The following CA8 variants were observed in gnomAD, a reference collection of about 807,000 sequenced individuals.
The protein encoded by CA8 is carbonic anhydrase-related protein.
CA8 carries 22 observed loss-of-function variants against 41.4 expected under a neutral mutation model. The observed-to-expected ratio is 0.53, with a 90% confidence interval of 0.38 to 0.76. CA8 has a LOEUF of 0.76. Among genes scored for constraint, CA8 ranks in the 30% least tolerant of loss-of-function variants. CA8 has a pLI of 0.00. For synonymous variants in CA8, 121 were observed against 130.6 expected (o/e 0.93, Z 0.50); for missense variants, 270 against 352.8 (o/e 0.77, Z 1.88).
rs749903158 is a variant in CA8, at chr8:60,208,938, GA to G, written c.739-20del. The G allele has an allele frequency of 6.2e-7, 1 of 1,612,898 alleles. No homozygotes were observed. Among genetic ancestry groups the G allele is most frequent in the Non-Finnish European group, 8.5e-7 (1 of 1,179,090 alleles). On this transcript the variant is annotated intron_variant, in intron 7 of 8. Transcript: ENST00000317995. ...CTTCTATCTGAAAATAAAAGCAGAA[GA>G]AAATAGATTAATCAATTATCGGACA...
At chr8:60,255,274 G>A (rs1353342873) in intron 3 of CA8, among the ~76,000 whole-genome samples, 2 of 30,430 alleles carry the variant, frequency 6.6e-5, no homozygotes, top group Non-Finnish European at 1.3e-4. Flanking sequence ...TCCCGCCCCC[G>A]CCTAATTCTG....
chr8:60,214,760 A>G (rs1806957068), intron 7 of CA8, among the ~76,000 whole-genome samples: 1 of 152,200 alleles, frequency 6.6e-6, no homozygotes, highest in African/African-American at 2.4e-5. Context: ...CACAGGAAAC[A>G]TGGAATGCAG....
At chr8:60,212,867 AT>A (rs1806885156) in intron 7 of CA8, among the ~76,000 whole-genome samples, 1 of 152,232 alleles carries the variant, frequency 6.6e-6, no homozygotes, top group Non-Finnish European at 1.5e-5. Context: ...CAGATATTTT[AT>A]GACCTTGATA....
chr8:60,281,212 C>A lies in CA8; in HGVS notation c.-65G>T. ...GCCTGCGCCTTCGCTGGGCGCGGGG[C>A]TGGAGCCGGAGCGGAGCGCGCGTGG... On this transcript the variant is annotated 5_prime_UTR_variant, in exon 1 of 9. Coordinates refer to ENST00000317995, the MANE Select transcript of CA8 (RefSeq NM_004056.6). 1.7e-6 allele frequency: 2 copies of A among 1,198,870 alleles called. No individual in the cohort carries two copies. Among genetic ancestry groups the A allele is most frequent in the Non-Finnish European group, 2.4e-6 (2 of 837,872 alleles). 74.3% of individuals were successfully genotyped at this position (1,198,870 alleles called of 1,614,324 possible).
At chr8:60,254,597 A>G (rs2130559824) in intron 3 of CA8, among the ~76,000 whole-genome samples, 1 of 152,350 alleles carries the variant, frequency 6.6e-6, no homozygotes, top group East Asian at 1.9e-4. Flanking sequence ...AAATCACTGC[A>G]AAATATTTCC....
intron 8 of CA8, among the ~76,000 whole-genome samples, chr8:60,191,390 T>C (rs916786543): frequency 2.0e-5 from 3 of 152,128 alleles, no homozygotes; most frequent in African/African-American, 7.2e-5. Flanking sequence ...CACAATGTAT[T>C]TATTTTCTGC....
At chr8:60,243,633 G>A (rs180894634) in intron 3 of CA8, among the ~76,000 whole-genome samples, 5 of 151,970 alleles carry the variant, frequency 3.3e-5, no homozygotes, top group East Asian at 1.9e-4. Flanking sequence ...GAACGCGCCC[G>A]ATCTCGTCTG....
chr8:60,280,921 C>T (rs1211359088), intron 1 of CA8, 127 bp downstream of exon 1: 3 of 725,112 alleles, frequency 4.1e-6, no homozygotes, highest in East Asian at 2.7e-5. Flanking sequence ...GTGGCAGAGA[C>T]CCCCGTGGGA....
At chr8:60,265,458 T>A (rs1803871212) in intron 3 of CA8, 1 of 157,994 alleles carries the variant, frequency 6.3e-6, no homozygotes, top group Non-Finnish European at 1.4e-5. Context: ...GACAAAAGAA[T>A]CACTCTCAAA....
At position 60,190,957 on chromosome 8, in the gene CA8, T is replaced by TATATATATATATATACACAC. The variant is rs1554573722; in HGVS notation, c.*36-973_*36-972insGTGTGTATATATATATATAT. Among the ~76,000 whole-genome samples the TATATATATATATATACACAC allele has an allele frequency of 7.2e-4, 75 of 104,238 alleles. 3 individuals are homozygous for TATATATATATATATACACAC. Among genetic ancestry groups the TATATATATATATATACACAC allele is most frequent in the Middle Eastern group, 0.01 (2 of 192 alleles). The allele number at this position is 104,238 out of a possible 152,430, so 68.4% of individuals were successfully genotyped here. On this transcript the variant is annotated intron_variant, in intron 8 of 8. Transcript: ENST00000317995. The stretch of plus-strand genomic sequence containing the variant: ...CACACACTATATATATATATATATA[T>TATATATATATATATACACAC]ACACACACACATTTCTACATATGCA...
intron 3 of CA8, 134 bp downstream of exon 3, chr8:60,265,791 A>G: frequency 1.0e-6 from 1 of 1,003,820 alleles, no homozygotes; most frequent in Non-Finnish European, 1.5e-6. Flanking sequence ...TGCATTAAGC[A>G]TTTTTTAAAT....
chr8:60,276,645 AT>A (rs1267883435), intron 2 of CA8, among the ~76,000 whole-genome samples: 1 of 152,218 alleles, frequency 6.6e-6, no homozygotes, highest in East Asian at 1.9e-4. Flanking sequence ...AAATTACATA[AT>A]GGATACAATG....
chr8:60,251,789 G>A (rs1808459553), intron 3 of CA8, among the ~76,000 whole-genome samples: 1 of 152,158 alleles, frequency 6.6e-6, no homozygotes, highest in South Asian at 2.1e-4. Flanking sequence ...CATTCAAAAT[G>A]CTTCTGAAAT....
intron 8 of CA8, among the ~76,000 whole-genome samples, chr8:60,200,700 A>C (rs1260018455): frequency 1.3e-5 from 2 of 151,334 alleles, no homozygotes; most frequent in Admixed American, 6.6e-5. Flanking sequence ...AATGCCAATA[A>C]TACTACCTTA....
intron 3 of CA8, among the ~76,000 whole-genome samples, chr8:60,250,646 A>G (rs1450364976): frequency 6.6e-6 from 1 of 152,206 alleles, no homozygotes; most frequent in Non-Finnish European, 1.5e-5. Context: ...GTTACATTTC[A>G]CTTCATTAGA....
intron 3 of CA8, among the ~76,000 whole-genome samples, chr8:60,235,848 T>C (rs1032723104): frequency 1.3e-5 from 2 of 152,218 alleles, no homozygotes; most frequent in South Asian, 2.1e-4. Context: ...ATGAATATTA[T>C]TATTATGTAT....
At chr8:60,192,336 A>G (rs150870147) in intron 8 of CA8, among the ~76,000 whole-genome samples, 1 of 152,278 alleles carries the variant, frequency 6.6e-6, no homozygotes, top group African/African-American at 2.4e-5. Flanking sequence ...GACTCAGACA[A>G]TATCTACTTC....
chr8:60,280,825 GAGAGCGCAGGCGGCGGA>G (rs1283782730), intron 1 of CA8, among the ~76,000 whole-genome samples: 7 of 152,214 alleles, frequency 4.6e-5, no homozygotes, highest in East Asian at 1.9e-4. Context: ...GCTCCCGGGT[GAGAGCGCAGGCGGCGGA>G]AGAGCGCAGG....
At chr8:60,193,868 G>C (rs187488071) in intron 8 of CA8, among the ~76,000 whole-genome samples, 47 of 152,192 alleles carry the variant, frequency 3.1e-4, no homozygotes, top group African/African-American at 1.0e-3. Context: ...TAATTTTGTT[G>C]CCTGATTCCT....
Sources: allele counts gnomAD v4.1 joint callset (sites outside exome capture counted in the v4.1 genomes callset), GRCh38; gene constraint gnomAD v4.1.1; transcripts MANE v1.5; gene names NCBI Gene and HGNC (gene_info 2026-07-23, HGNC 2026-07-21).